Variants in DENND1A observed in about 807,000 individuals in gnomAD.
DENND1A encodes the protein DENN domain containing 1A, also known as DENN domain-containing protein 1A.
A neutral mutation model predicts 113.7 loss-of-function variants in DENND1A; 51 were observed. That is an observed-to-expected ratio of 0.45 (90% CI 0.36 to 0.57). The LOEUF is 0.57. DENND1A is among the 20% of genes least tolerant of loss of function. The pLI is 0.00. For synonymous variants in DENND1A, 565 were observed against 570.8 expected (o/e 0.99, Z 0.14); for missense variants, 1,258 against 1,395.9 (o/e 0.90, Z 1.57).
At chr9:123,488,260 C>T (rs2051062387) in intron 13 of DENND1A, among the ~76,000 whole-genome samples, 1 of 152,254 alleles carries the variant, frequency 6.6e-6, no homozygotes. Context: ...CCCCAGCTGC[C>T]TCCGAGCCTC....
intron 5 of DENND1A, among the ~76,000 whole-genome samples, chr9:123,688,176 A>T (rs2064936548): frequency 6.6e-6 from 1 of 152,236 alleles, no homozygotes; most frequent in Admixed American, 6.5e-5. Flanking sequence ...ACTGACACCC[A>T]GAAAAGCTAA....
At chr9:123,548,650 A>G (rs555713429) in intron 13 of DENND1A, among the ~76,000 whole-genome samples, 14 of 152,388 alleles carry the variant, frequency 9.2e-5, no homozygotes, top group African/African-American at 2.9e-4. Context: ...CAGCCAAAAC[A>G]TAGAAACAAC....
chr9:123,729,520 G>A (rs576035440), intron 5 of DENND1A, among the ~76,000 whole-genome samples: 4 of 152,226 alleles, frequency 2.6e-5, no homozygotes, highest in South Asian at 2.1e-4. Flanking sequence ...TTGCTACAAA[G>A]AGAATAAAAT....
chr9:123,455,730 ACT>A lies in DENND1A; in HGVS notation c.1187-953_1187-952del, dbSNP rs879906510. ...AAGAAAATGGATGTGCTGTTGGTAA[ACT>A]CTGTTCATTTTAAATGGTGGGTCTT... On this transcript the variant is annotated intron_variant, in intron 15 of 23. Transcript: ENST00000394215. Among the ~76,000 whole-genome samples the A allele has an allele frequency of 7.2e-5, 11 of 152,202 alleles. No homozygotes were observed. The East Asian group carries it at 1.9e-3, about 27-fold the overall frequency.
intron 13 of DENND1A, among the ~76,000 whole-genome samples, chr9:123,465,371 AT>A (rs2048863658): frequency 1.2e-5 from 1 of 82,636 alleles, no homozygotes; most frequent in Non-Finnish European, 2.4e-5. Context: ...CTCTGTTTCT[AT>A]TTGATCAATT....
intron 1 of DENND1A, among the ~76,000 whole-genome samples, chr9:123,914,363 C>T (rs1001967539): frequency 1.2e-4 from 18 of 151,584 alleles, no homozygotes; most frequent in African/African-American, 4.4e-4. Flanking sequence ...ACAGTGAAAC[C>T]CTGTCTCTAC....
intron 13 of DENND1A, among the ~76,000 whole-genome samples, chr9:123,486,606 A>C (rs1588782421): frequency 1.3e-5 from 2 of 152,202 alleles, no homozygotes; most frequent in Admixed American, 1.3e-4. Flanking sequence ...GGCACCAACT[A>C]AATGGCATGT....
intron 1 of DENND1A, among the ~76,000 whole-genome samples, chr9:123,880,617 T>C (rs879140015): frequency 1.6e-4 from 25 of 152,182 alleles, no homozygotes; most frequent in African/African-American, 6.0e-4. Context: ...CTTTTCAAAA[T>C]AGCAATCTCA....
intron 13 of DENND1A, among the ~76,000 whole-genome samples, chr9:123,521,463 A>G (rs545784559): frequency 1.3e-5 from 2 of 152,370 alleles, no homozygotes; most frequent in South Asian, 4.1e-4. Flanking sequence ...GTAAAAAATA[A>G]GATTAAGTGA....
chr9:123,637,926 C>T (rs2061793736), intron 9 of DENND1A, among the ~76,000 whole-genome samples: 1 of 92,066 alleles, frequency 1.1e-5, no homozygotes, highest in Non-Finnish European at 2.1e-5. Context: ...CACACACACA[C>T]ACACACGCAC....
Position 123,422,101 on chromosome 9 carries a change from T to TA in DENND1A, c.1489-10273dup, listed in dbSNP as rs1194414212. Reference sequence around the variant, plus strand: ...GGCACTCCTACCTCTGTCCTTCCCCTAAGAAGGTGAGTCCTTGAGGGTTCA... The same window carrying TA: ...GGCACTCCTACCTCTGTCCTTCCCCTAAAGAAGGTGAGTCCTTGAGGGTTCA... On this transcript the variant is annotated intron_variant, in intron 19 of 23. Transcript: ENST00000394215. This position sits in a 1 kb window ranked among gnomAD's most constrained non-coding sequence, Gnocchi z 4.8. 2.0e-5 allele frequency among the ~76,000 whole-genome samples: 3 copies of TA among 152,200 alleles called. No homozygotes were observed. Among genetic ancestry groups the TA allele is most frequent in the African/African-American group, 4.8e-5 (2 of 41,442 alleles).
At chr9:123,682,197 C>G (rs2064508167) in intron 5 of DENND1A, among the ~76,000 whole-genome samples, 1 of 152,146 alleles carries the variant, frequency 6.6e-6, no homozygotes, top group African/African-American at 2.4e-5. Context: ...CAAAATAATG[C>G]TCTGGCTCTC....
intron 13 of DENND1A, among the ~76,000 whole-genome samples, chr9:123,474,817 G>A (rs1438316907): frequency 6.6e-6 from 1 of 152,164 alleles, no homozygotes; most frequent in Non-Finnish European, 1.5e-5. Context: ...CCTTCACCCT[G>A]TTCCTTTAAT....
intron 5 of DENND1A, among the ~76,000 whole-genome samples, chr9:123,715,326 C>T (rs1253278839): frequency 6.6e-6 from 1 of 152,130 alleles, no homozygotes; most frequent in South Asian, 2.1e-4. Flanking sequence ...CCCACTGGCA[C>T]GAGGTTCTAA....
intron 2 of DENND1A, among the ~76,000 whole-genome samples, chr9:123,823,260 A>T (rs1838781555): frequency 6.6e-6 from 1 of 152,258 alleles, no homozygotes; most frequent in African/African-American, 2.4e-5. Flanking sequence ...AAGAATTAAA[A>T]GGCTTCCCCA....
chr9:123,658,699 G>GTTCA (rs923035024), intron 8 of DENND1A, among the ~76,000 whole-genome samples: 10 of 152,128 alleles, frequency 6.6e-5, no homozygotes, highest in African/African-American at 2.4e-4. Context: ...GTGGCTACAT[G>GTTCA]TTCATTCATT....
At chr9:123,563,586 T>C (rs2057885500) in intron 12 of DENND1A, among the ~76,000 whole-genome samples, 1 of 152,184 alleles carries the variant, frequency 6.6e-6, no homozygotes. Context: ...TTAGTTTAGA[T>C]TCATCTTTTA....
At chr9:123,869,350 T>C (rs567811225) in intron 2 of DENND1A, among the ~76,000 whole-genome samples, 7 of 152,364 alleles carry the variant, frequency 4.6e-5, no homozygotes, top group African/African-American at 1.4e-4. Flanking sequence ...TAGAATAATA[T>C]TTCTTACTTC....
intron 9 of DENND1A, among the ~76,000 whole-genome samples, chr9:123,650,190 C>T (rs558445823): frequency 1.1e-4 from 16 of 152,052 alleles, no homozygotes; most frequent in African/African-American, 2.4e-4. Flanking sequence ...ATGAACTGCA[C>T]GTATGGTGTA....
Sources: allele counts gnomAD v4.1 joint callset (sites outside exome capture counted in the v4.1 genomes callset), GRCh38; gene constraint gnomAD v4.1.1; non-coding constraint Gnocchi (gnomAD v3.1); transcripts MANE v1.5; gene names NCBI Gene and HGNC (gene_info 2026-07-23, HGNC 2026-07-21).